ANGPT1: variants seen among roughly 807,000 people sequenced by gnomAD.
ANGPT1 encodes the protein angiopoietin-1.
A neutral mutation model predicts 62.2 loss-of-function variants in ANGPT1; 17 were observed. The observed-to-expected ratio is 0.27, with a 90% CI of 0.19 to 0.41. The LOEUF (loss-of-function observed/expected upper bound fraction) is 0.41. Among genes scored for constraint, ANGPT1 ranks in the 10% least tolerant of loss-of-function variants. ANGPT1 has a pLI of 1.00. For synonymous variants in ANGPT1, 199 were observed against 198.9 expected (o/e 1.00, Z 0.00); for missense variants, 478 against 594.9 (o/e 0.80, Z 2.04).
intron 1 of ANGPT1, among the ~76,000 whole-genome samples, chr8:107,411,249 G>C (rs1370900495): frequency 2.0e-5 from 3 of 152,084 alleles, no homozygotes; most frequent in Non-Finnish European, 4.4e-5. Context: ...ATGGTATTTT[G>C]CCTCCCATGT....
chr8:107,434,594 TA>T (rs988529403), intron 1 of ANGPT1, among the ~76,000 whole-genome samples: 2 of 146,416 alleles, frequency 1.4e-5, no homozygotes, highest in South Asian at 2.2e-4. Flanking sequence ...AGACAAACTT[TA>T]AAAAAAAAGA....
intron 7 of ANGPT1, chr8:107,284,478 T>C (rs1814091086): frequency 5.6e-6 from 2 of 355,152 alleles, no homozygotes; most frequent in Admixed American, 9.0e-5. Flanking sequence ...ATATCAAAGA[T>C]AGTCAACCTA....
intron 4 of ANGPT1, 143 bp from the exon 5 acceptor site, chr8:107,303,510 C>A: frequency 3.4e-6 from 2 of 596,652 alleles, no homozygotes; most frequent in Non-Finnish European, 2.7e-6. Flanking sequence ...ATCATAAAGA[C>A]AATACTAGAT....
Position 107,293,629 on chromosome 8 carries a change from CACGTATCCAACGAAGGTCTGAGTTCTA to C in ANGPT1, c.1038+280_1038+306del, listed in dbSNP as rs1307733164. Among the ~76,000 whole-genome samples the C allele has an allele frequency of 6.6e-5, 10 of 152,262 alleles. 1 individual carries two copies. The highest frequency in any genetic ancestry group is 2.0e-4 in the Admixed American group (3 of 15,284). ...CCTGCACAGCTCCCTTGGTCAGGCT[CACGTATCCAACGAAGGTCTGAGTTCTA>C]GCTTCCCCCACCCTCATGCAACTAG... On this transcript the variant is annotated intron_variant, in intron 6 of 8. Transcript: ENST00000517746.
chr8:107,334,289 A>G (rs1815508319), intron 3 of ANGPT1, among the ~76,000 whole-genome samples: 1 of 152,210 alleles, frequency 6.6e-6, no homozygotes, highest in Non-Finnish European at 1.5e-5. Context: ...GTGGTAACAT[A>G]ACTACTGAGA....
At chr8:107,445,450 A>G (rs1380780004) in intron 1 of ANGPT1, among the ~76,000 whole-genome samples, 1 of 152,216 alleles carries the variant, frequency 6.6e-6, no homozygotes, top group Non-Finnish European at 1.5e-5. Context: ...CAAAAATTAT[A>G]TGTGGTCAGT....
intron 1 of ANGPT1, among the ~76,000 whole-genome samples, chr8:107,408,038 C>T (rs990345793): frequency 6.6e-6 from 1 of 151,908 alleles, no homozygotes; most frequent in Admixed American, 6.6e-5. Flanking sequence ...GAACTCAGCA[C>T]TGAAAATAAG....
At chr8:107,328,886 A>C (rs1815352587) in intron 3 of ANGPT1, among the ~76,000 whole-genome samples, 1 of 151,910 alleles carries the variant, frequency 6.6e-6, no homozygotes, top group Admixed American at 6.6e-5. Context: ...ATCACTAATT[A>C]TAGTTTTGAT....
chr8:107,297,197 A>C (rs566451800), intron 5 of ANGPT1, among the ~76,000 whole-genome samples: 72 of 152,196 alleles, frequency 4.7e-4, no homozygotes, highest in African/African-American at 1.7e-3. Flanking sequence ...GAGAGGTTAA[A>C]GGGTTGAACA....
intron 1 of ANGPT1, among the ~76,000 whole-genome samples, chr8:107,367,207 A>T (rs1323275341): frequency 6.6e-6 from 1 of 152,238 alleles, no homozygotes. Context: ...AAAGCAACTC[A>T]TACAATCTTT....
At chr8:107,273,397 G>A (rs1193162288) in intron 7 of ANGPT1, among the ~76,000 whole-genome samples, 3 of 152,028 alleles carry the variant, frequency 2.0e-5, no homozygotes, top group Admixed American at 1.3e-4. Flanking sequence ...CCTCCAGCAT[G>A]CATTAGCAGA....
intron 1 of ANGPT1, among the ~76,000 whole-genome samples, chr8:107,392,192 A>G (rs1325449784): frequency 5.9e-5 from 9 of 152,174 alleles, no homozygotes; most frequent in Admixed American, 5.9e-4. Context: ...ATAATCTTGT[A>G]TATAATTATA....
At chr8:107,491,148 G>T (rs1351780190) in intron 1 of ANGPT1, among the ~76,000 whole-genome samples, 2 of 135,216 alleles carry the variant, frequency 1.5e-5, no homozygotes, top group African/African-American at 2.5e-5. Context: ...TACCAGAAAT[G>T]ATTAAAAAAA....
chr8:107,359,721 T>A (rs541010189), intron 1 of ANGPT1, among the ~76,000 whole-genome samples: 5 of 152,184 alleles, frequency 3.3e-5, no homozygotes, highest in African/African-American at 1.2e-4. Context: ...ATTTAGCATG[T>A]TCTCAATTAT....
At chr8:107,326,798 G>T (rs186022721) in intron 3 of ANGPT1, among the ~76,000 whole-genome samples, 94 of 152,220 alleles carry the variant, frequency 6.2e-4, no homozygotes, top group African/African-American at 2.1e-3. Flanking sequence ...CTCATGGATA[G>T]GTAAGAATCA....
At chr8:107,386,755 A>G (rs1229162377) in intron 1 of ANGPT1, among the ~76,000 whole-genome samples, 1 of 152,108 alleles carries the variant, frequency 6.6e-6, no homozygotes, top group Admixed American at 6.6e-5. Flanking sequence ...AGCATATATA[A>G]AGTCTTAGCA....
intron 4 of ANGPT1, among the ~76,000 whole-genome samples, chr8:107,315,624 A>G (rs924892576): frequency 2.0e-5 from 3 of 151,958 alleles, no homozygotes; most frequent in Non-Finnish European, 4.4e-5. Flanking sequence ...CACACTGTCT[A>G]TATTTTTCTT....
chr8:107,396,851 C>A (rs1026767064), intron 1 of ANGPT1, among the ~76,000 whole-genome samples: 3 of 151,948 alleles, frequency 2.0e-5, no homozygotes, highest in Admixed American at 2.0e-4. Flanking sequence ...CTAAAAACAG[C>A]CAATACTTAC....
At chr8:107,407,278 T>G (rs2130346552) in intron 1 of ANGPT1, among the ~76,000 whole-genome samples, 1 of 151,832 alleles carries the variant, frequency 6.6e-6, no homozygotes, top group Admixed American at 6.6e-5. Context: ...GTTTTTTTTT[T>G]TGTAAATTGC....
Sources: allele counts gnomAD v4.1 joint callset (sites outside exome capture counted in the v4.1 genomes callset), GRCh38; gene constraint gnomAD v4.1.1; transcripts MANE v1.5; gene names NCBI Gene and HGNC (gene_info 2026-07-23, HGNC 2026-07-21).